SHLD2: variants seen among roughly 807,000 people sequenced by gnomAD.
SHLD2 encodes shieldin complex subunit 2.
Under a neutral mutation model 73.2 loss-of-function variants are expected in SHLD2, and 30 were observed. The ratio of observed to expected loss-of-function variants is 0.41; its 90% CI spans 0.31 to 0.56. The LOEUF (loss-of-function observed/expected upper bound fraction) is 0.56, where lower values mean the gene tolerates loss of function less well. Ranked by LOEUF, SHLD2 falls within the 20% of genes least tolerant of loss-of-function variation. SHLD2 has a pLI of 0.28. For missense variants in SHLD2, 745 were observed against 1,055.9 expected, an observed-to-expected ratio of 0.71 and a Z score of 4.08; for synonymous variants, 285 against 370.1, an observed-to-expected ratio of 0.77 and a Z score of 2.64.
chr10:87,173,499 G>C (rs1298753110), intron 6 of SHLD2, among the ~76,000 whole-genome samples: 1 of 151,990 alleles, frequency 6.6e-6, no homozygotes, highest in Non-Finnish European at 1.5e-5. Context: ...TAAAAGAATA[G>C]TTAATGTTTG....
At chr10:87,183,562 C>T (rs1379643616) in intron 8 of SHLD2, among the ~76,000 whole-genome samples, 5 of 152,104 alleles carry the variant, frequency 3.3e-5, no homozygotes, top group African/African-American at 1.2e-4. Context: ...CCCTCTTGTC[C>T]CTTCGTTTTT....
intron 4 of SHLD2, among the ~76,000 whole-genome samples, chr10:87,160,719 G>T (rs1846744672): frequency 6.6e-6 from 1 of 152,162 alleles, no homozygotes; most frequent in African/African-American, 2.4e-5. Flanking sequence ...GTCTGGTGCG[G>T]TGGCTCACGC....
intron 2 of SHLD2, among the ~76,000 whole-genome samples, chr10:87,136,307 G>A (rs2484788): frequency 6.6e-6 from 1 of 151,780 alleles, no homozygotes; most frequent in African/African-American, 2.4e-5. Context: ...TACAAGATGC[G>A]CTAGTATATT....
chr10:87,129,843 C>G (rs1300593659), intron 2 of SHLD2, among the ~76,000 whole-genome samples: 1 of 151,956 alleles, frequency 6.6e-6, no homozygotes, highest in Non-Finnish European at 1.5e-5. Context: ...TGGTCTCGAA[C>G]TCTTAAGCGC....
At chr10:87,108,515 G>T (rs1842739497) in intron 2 of SHLD2, among the ~76,000 whole-genome samples, 1 of 152,140 alleles carries the variant, frequency 6.6e-6, no homozygotes, top group Non-Finnish European at 1.5e-5. Flanking sequence ...ATGTTGCCCA[G>T]GCTGATCTCC....
At chr10:87,182,831 G>T (rs901098786) in intron 8 of SHLD2, among the ~76,000 whole-genome samples, 1 of 150,524 alleles carries the variant, frequency 6.6e-6, no homozygotes, top group Non-Finnish European at 1.5e-5. Flanking sequence ...GGCAAGTTGA[G>T]TTCCTCTTCA....
intron 2 of SHLD2, among the ~76,000 whole-genome samples, chr10:87,130,584 C>A (rs548380125): frequency 1.1e-4 from 16 of 152,154 alleles, no homozygotes; most frequent in African/African-American, 3.9e-4. Context: ...TTTCAGCCAG[C>A]CTTCTTTATT....
In SHLD2 at chr10:87,152,658, G is replaced by C. The variant is rs1379892530; in HGVS notation, c.1304G>C (p.Cys435Ser). ...SIKKTSLIKN[C>S]DSKSQKYNCL... ...AAAAAAACATCATTAATAAAAAACT[G>C]TGATTCTAAAAGCCAGAAGTATAAT... Residue 435 changes from cysteine to serine, a missense_variant, in exon 3 of 10, where the codon TGT (cysteine) becomes TCT (serine). Physicochemically the swap from Cys to Ser is moderately radical, Grantham distance 112. Transcript: ENST00000298786. 5 of 1,610,408 alleles carry C rather than the reference G, an allele frequency of 3.1e-6. No homozygotes were observed. Among genetic ancestry groups the C allele is most frequent in the South Asian group, 1.1e-5 (1 of 90,780 alleles).
chr10:87,126,433 CTT>C (rs1159725408), intron 2 of SHLD2, among the ~76,000 whole-genome samples: 1 of 151,858 alleles, frequency 6.6e-6, no homozygotes, highest in African/African-American at 2.4e-5. Flanking sequence ...GTCTTAATGA[CTT>C]TTTTGATTTT....
intron 4 of SHLD2, among the ~76,000 whole-genome samples, chr10:87,165,204 TA>T (rs1473975915): frequency 6.0e-4 from 83 of 139,108 alleles, no homozygotes; most frequent in African/African-American, 2.0e-3. Context: ...AAAAAAAAAA[TA>T]CAAAACACAA....
chr10:87,096,486 C>A (rs191653463), intron 1 of SHLD2, among the ~76,000 whole-genome samples: 8 of 152,216 alleles, frequency 5.3e-5, no homozygotes, highest in Admixed American at 2.6e-4. Flanking sequence ...CGGTGGCTCA[C>A]GCCTGTAATC....
chr10:87,130,074 G>A (rs2134146760), intron 2 of SHLD2, among the ~76,000 whole-genome samples: 1 of 150,618 alleles, frequency 6.6e-6, no homozygotes, highest in Middle Eastern at 3.4e-3. Context: ...TCTATTTTTT[G>A]TTTTCCTTTG....
At chr10:87,116,265 A>G (rs1277376760) in intron 2 of SHLD2, among the ~76,000 whole-genome samples, 3 of 151,572 alleles carry the variant, frequency 2.0e-5, no homozygotes, top group South Asian at 2.1e-4. Flanking sequence ...CTTTGCTCAT[A>G]GGGAGATACA....
At chr10:87,175,070 T>C (rs1422296362) in intron 6 of SHLD2, among the ~76,000 whole-genome samples, 2 of 145,978 alleles carry the variant, frequency 1.4e-5, no homozygotes, top group African/African-American at 5.1e-5. Context: ...TGAGCCGAGA[T>C]TGCGCCACTG....
rs536467266 is a variant in SHLD2, at chr10:87,104,490, C to T, written c.-6+7501C>T. 1.3e-4 allele frequency among the ~76,000 whole-genome samples: 19 copies of T among 148,200 alleles called. No homozygotes were observed. The South Asian group carries it at 1.7e-3, about 13-fold the overall frequency. ...TGAACCCGGGAGTGAGCCGAGATGG[C>T]GCCACTGCACTCTAGCTTGGGTGAC... On this transcript the variant is annotated intron_variant, in intron 2 of 9. Transcript: ENST00000298786.
chr10:87,158,265 G>T (rs1846577272), intron 4 of SHLD2, 110 bp downstream of exon 4: 1 of 1,100,452 alleles, frequency 9.1e-7, no homozygotes, highest in Non-Finnish European at 1.3e-6. Flanking sequence ...TAAACAGTTG[G>T]AGAGTATTGG....
intron 3 of SHLD2, among the ~76,000 whole-genome samples, chr10:87,156,809 G>T (rs1846463750): frequency 6.6e-6 from 1 of 152,146 alleles, no homozygotes; most frequent in Non-Finnish European, 1.5e-5. Context: ...GCTCTTCCTG[G>T]CTAGGCAGTG....
intron 2 of SHLD2, among the ~76,000 whole-genome samples, chr10:87,109,913 ACACT>A (rs762974218): frequency 2.6e-5 from 4 of 152,322 alleles, no homozygotes; most frequent in Admixed American, 2.0e-4. Flanking sequence ...ACACATATAA[ACACT>A]CACACACACA....
intron 2 of SHLD2, among the ~76,000 whole-genome samples, chr10:87,098,401 T>C (rs1842042801): frequency 2.0e-5 from 3 of 151,546 alleles, no homozygotes; most frequent in Non-Finnish European, 1.5e-5. Flanking sequence ...TAATCCCAGC[T>C]ACTCAGGAGG....
Sources: allele counts gnomAD v4.1 joint callset (sites outside exome capture counted in the v4.1 genomes callset), GRCh38; gene constraint gnomAD v4.1.1; transcripts MANE v1.5; gene names NCBI Gene and HGNC (gene_info 2026-07-23, HGNC 2026-07-21).